The following ARHGAP24 variants were observed in gnomAD, a reference collection of about 807,000 sequenced individuals.
ARHGAP24 encodes the protein Rho GTPase activating protein 24, also known as rho GTPase-activating protein 24.
A neutral mutation model predicts 76.4 loss-of-function variants in ARHGAP24; 50 were observed. The observed-to-expected ratio is 0.65, with a 90% CI of 0.52 to 0.83. The LOEUF is 0.83. Among genes scored for constraint, ARHGAP24 ranks in the 40% least tolerant of loss-of-function variants. The pLI is 0.00. For synonymous variants in ARHGAP24, 345 were observed against 323.3 expected, an observed-to-expected ratio of 1.07 and a Z score of -0.72; for missense variants, 930 against 914.2, an observed-to-expected ratio of 1.02 and a Z score of -0.22.
In ARHGAP24 at chr4:85,633,868, A is replaced by G. The variant is rs550282040; in HGVS notation, c.180+63147A>G. On this transcript the variant is annotated intron_variant, in intron 2 of 9. Transcript: ENST00000395184. Reference sequence around the variant, plus strand: ...CCTCTGCAACCAGATTCTACTGAGTATGGAACCTTGTGAATCATATAATTT... The same window carrying G: ...CCTCTGCAACCAGATTCTACTGAGTGTGGAACCTTGTGAATCATATAATTT... Among the ~76,000 whole-genome samples, 6 of 151,998 alleles carry G rather than the reference A, an allele frequency of 3.9e-5. No individual in the cohort carries two copies. The East Asian group carries it at 5.8e-4, about 15-fold the overall frequency.
chr4:85,691,647 T>G (rs1002603226), intron 2 of ARHGAP24, among the ~76,000 whole-genome samples: 3 of 152,084 alleles, frequency 2.0e-5, no homozygotes, highest in Non-Finnish European at 4.4e-5. Flanking sequence ...TCATCTGATA[T>G]AAGAATAGTG....
At chr4:85,959,246 C>T (rs898340625) in intron 5 of ARHGAP24, among the ~76,000 whole-genome samples, 2 of 152,144 alleles carry the variant, frequency 1.3e-5, no homozygotes, top group African/African-American at 4.8e-5. Context: ...ACTGTCATGG[C>T]GCTGGTGGGA....
intron 3 of ARHGAP24, among the ~76,000 whole-genome samples, chr4:85,912,490 T>C (rs1735146762): frequency 6.6e-6 from 1 of 152,208 alleles, no homozygotes; most frequent in Admixed American, 6.5e-5. Context: ...GTTTTTCTTA[T>C]TTTTACACTA....
In ARHGAP24 at chr4:85,804,158, G is replaced by A. The variant is rs1728694363; in HGVS notation, c.268+82186G>A. ...TAGCGTTTTATAGAATGGGATTGCA[G>A]ATACAATTAGATTTAGGAAAATCTC... On this transcript the variant is annotated intron_variant, in intron 3 of 9. Coordinates refer to ENST00000395184, the MANE Select transcript of ARHGAP24 (RefSeq NM_001025616.3). 2.0e-5 allele frequency among the ~76,000 whole-genome samples: 3 copies of A among 151,898 alleles called. No homozygotes were observed. In the South Asian group the frequency reaches 6.2e-4, roughly 31 times the overall value.
chr4:85,662,152 A>G lies in ARHGAP24; in HGVS notation c.181-59733A>G, dbSNP rs1578120020. Reference sequence around the variant, plus strand: ...CCACCAACAGTGTAAAAGTGTTCCTATTTCTCCACATCCTCTCCAGCACCT... The same window carrying G: ...CCACCAACAGTGTAAAAGTGTTCCTGTTTCTCCACATCCTCTCCAGCACCT... On this transcript the variant is annotated intron_variant, in intron 2 of 9. Transcript: ENST00000395184. 2.6e-5 allele frequency among the ~76,000 whole-genome samples: 4 copies of G among 152,226 alleles called. No individual in the cohort carries two copies. The East Asian group carries it at 5.8e-4, about 22-fold the overall frequency.
intron 3 of ARHGAP24, among the ~76,000 whole-genome samples, chr4:85,903,878 A>G (rs1009175934): frequency 2.6e-5 from 4 of 152,224 alleles, no homozygotes; most frequent in African/African-American, 9.6e-5. Flanking sequence ...GAAAAGTTTC[A>G]TAAGGAAGTA....
chr4:85,582,304 A>G lies in ARHGAP24; in HGVS notation c.180+11583A>G, dbSNP rs570971450. On this transcript the variant is annotated intron_variant, in intron 2 of 9. Transcript: ENST00000395184. ...GTTTTAGTCATTACCACAAATAATG[A>G]CACTATGGCTTATCTAAAATACATT... Among the ~76,000 whole-genome samples the G allele has an allele frequency of 3.3e-5, 5 of 152,228 alleles. No homozygotes were observed. In the South Asian group the frequency reaches 8.3e-4, roughly 25 times the overall value.
At chr4:85,998,627 C>A (rs1004202895) in intron 9 of ARHGAP24, among the ~76,000 whole-genome samples, 2 of 151,826 alleles carry the variant, frequency 1.3e-5, no homozygotes, top group African/African-American at 2.4e-5. Context: ...TTCTTTTTTC[C>A]ATATTAAATT....
intron 3 of ARHGAP24, among the ~76,000 whole-genome samples, chr4:85,807,659 T>C (rs1728849254): frequency 6.6e-6 from 1 of 152,170 alleles, no homozygotes; most frequent in Non-Finnish European, 1.5e-5. Flanking sequence ...CATACTATCC[T>C]GATGACGGAT....
At chr4:85,568,075 C>T (rs1297883291) in intron 1 of ARHGAP24, among the ~76,000 whole-genome samples, 1 of 152,094 alleles carries the variant, frequency 6.6e-6, no homozygotes, top group Non-Finnish European at 1.5e-5. Context: ...AATCAGAAAC[C>T]ATGTTCTAGT....
At chr4:85,981,626 T>C (rs879683371) in intron 8 of ARHGAP24, among the ~76,000 whole-genome samples, 7 of 152,206 alleles carry the variant, frequency 4.6e-5, no homozygotes, top group Non-Finnish European at 8.8e-5. Flanking sequence ...TGAGATGTCC[T>C]GGCTTTATTG....
At chr4:85,729,103 C>T (rs978511192) in intron 3 of ARHGAP24, among the ~76,000 whole-genome samples, 1 of 151,736 alleles carries the variant, frequency 6.6e-6, no homozygotes, top group Non-Finnish European at 1.5e-5. Context: ...ATATTTGTTA[C>T]CCCAAAGCAG....
chr4:85,969,427 C>G (rs759829179), intron 5 of ARHGAP24, among the ~76,000 whole-genome samples: 9 of 151,792 alleles, frequency 5.9e-5, no homozygotes, highest in Non-Finnish European at 1.0e-4. Context: ...TATAGTCATG[C>G]AAATTATACA....
chr4:85,683,262 A>G (rs918913529), intron 2 of ARHGAP24, among the ~76,000 whole-genome samples: 4 of 152,126 alleles, frequency 2.6e-5, no homozygotes, highest in African/African-American at 9.7e-5. Context: ...TATTTCCATT[A>G]TCAACCTTTC....
intron 2 of ARHGAP24, among the ~76,000 whole-genome samples, chr4:85,659,844 A>G (rs1722312593): frequency 6.6e-6 from 1 of 152,218 alleles, no homozygotes; most frequent in South Asian, 2.1e-4. Flanking sequence ...ATCCAGGGGT[A>G]GTACCACACA....
intron 2 of ARHGAP24, among the ~76,000 whole-genome samples, chr4:85,689,712 G>A (rs34587524): frequency 1.3e-4 from 20 of 152,046 alleles, no homozygotes; most frequent in East Asian, 1.9e-4. Context: ...GTACATTGAC[G>A]ATGTATCCTG....
chr4:85,648,185 C>T (rs190854567), intron 2 of ARHGAP24, among the ~76,000 whole-genome samples: 154 of 152,212 alleles, frequency 1.0e-3, no homozygotes, highest in African/African-American at 3.6e-3. Flanking sequence ...AACTCCTGAT[C>T]CTACGCCAGA....
At chr4:85,820,003 T>C (rs1191244066) in intron 3 of ARHGAP24, among the ~76,000 whole-genome samples, 1 of 152,198 alleles carries the variant, frequency 6.6e-6, no homozygotes, top group Non-Finnish European at 1.5e-5. Flanking sequence ...CTTTATAAAT[T>C]ACTAGTTTCA....
chr4:85,956,774 G>A (rs1443729127), intron 5 of ARHGAP24, among the ~76,000 whole-genome samples: 1 of 152,186 alleles, frequency 6.6e-6, no homozygotes, highest in African/African-American at 2.4e-5. Flanking sequence ...CCCAGCCAGG[G>A]TGGAAGTCAG....
Sources: allele counts gnomAD v4.1 joint callset (sites outside exome capture counted in the v4.1 genomes callset), GRCh38; gene constraint gnomAD v4.1.1; transcripts MANE v1.5; gene names NCBI Gene and HGNC (gene_info 2026-07-23, HGNC 2026-07-21).